Variants in PTPRJ observed in about 807,000 individuals in gnomAD.
PTPRJ encodes the protein receptor-type tyrosine-protein phosphatase eta.
PTPRJ carries 129 observed loss-of-function variants against 141.3 expected under a neutral mutation model. That is an observed-to-expected ratio of 0.91 (90% CI 0.79 to 1.06). The LOEUF (loss-of-function observed/expected upper bound fraction) is 1.06, where lower values mean the gene tolerates loss of function less well. Ranked by LOEUF, PTPRJ falls within the 50% of genes least tolerant of loss-of-function variation. The probability of loss-of-function intolerance (pLI) is 0.00; values close to 1 mark genes in which losing one functional copy is unlikely to be tolerated. For missense variants in PTPRJ, 1,601 were observed against 1,679.7 expected (o/e 0.95, Z 0.82); for synonymous variants, 610 against 640.5 (o/e 0.95, Z 0.72).
Position 48,154,482 on chromosome 11 carries a change from A to C in PTPRJ, c.3229+596A>C, listed in dbSNP as rs1386769677. On this transcript the variant is annotated intron_variant, in intron 19 of 24. Transcript: ENST00000418331. Reference sequence around the variant, plus strand: ...TAAAATAAGAATTATTTATTACATCAAACCATTAGATGAAATGTAAATAAT... The same window carrying C: ...TAAAATAAGAATTATTTATTACATCCAACCATTAGATGAAATGTAAATAAT... Among the ~76,000 whole-genome samples the C allele has an allele frequency of 2.0e-5, 3 of 152,244 alleles. No homozygotes were observed. In the East Asian group the frequency reaches 5.8e-4, roughly 29 times the overall value.
In PTPRJ at chr11:48,007,249, T is replaced by C. The variant is rs573817265; in HGVS notation, c.96+26241T>C. ...CCGAGTAGCTGGGACTACAGGTGCC[T>C]GCCACCACGCCCGGCTAATTTTTTG... On this transcript the variant is annotated intron_variant, in intron 1 of 24. Coordinates refer to ENST00000418331, the MANE Select transcript of PTPRJ (RefSeq NM_002843.4). 5.7e-4 allele frequency among the ~76,000 whole-genome samples: 86 copies of C among 150,624 alleles called. 1 individual carries two copies. Among genetic ancestry groups the C allele is most frequent in the Admixed American group, 3.2e-3 (48 of 15,184 alleles).
At chr11:48,058,773 A>T (rs770054890) in intron 1 of PTPRJ, among the ~76,000 whole-genome samples, 3 of 152,046 alleles carry the variant, frequency 2.0e-5, no homozygotes, top group Non-Finnish European at 4.4e-5. Flanking sequence ...AAGTCAGATC[A>T]TGTTGCTCCT....
At chr11:48,066,813 T>C (rs1490266761) in intron 1 of PTPRJ, among the ~76,000 whole-genome samples, 1 of 152,084 alleles carries the variant, frequency 6.6e-6, no homozygotes, top group African/African-American at 2.4e-5. Context: ...CTGGAACTCC[T>C]GACCTCAGGT....
chr11:48,150,314 T>A, intron 18 of PTPRJ, 131 bp downstream of exon 18: 1 of 690,986 alleles, frequency 1.4e-6, no homozygotes, highest in South Asian at 1.8e-5. Context: ...GGGACATGGC[T>A]TTATTCTCTC....
intron 1 of PTPRJ, among the ~76,000 whole-genome samples, chr11:47,999,763 T>C (rs995914005): frequency 2.0e-5 from 3 of 152,068 alleles, no homozygotes; most frequent in African/African-American, 7.3e-5. Flanking sequence ...TATGGGTATG[T>C]AGGGCTAGTG....
intron 1 of PTPRJ, among the ~76,000 whole-genome samples, chr11:48,049,283 G>A (rs920372237): frequency 6.6e-6 from 1 of 152,000 alleles, no homozygotes; most frequent in African/African-American, 2.4e-5. Flanking sequence ...TGTCCCCTGG[G>A]GGACAAAATC....
chr11:48,136,136 C>T lies in PTPRJ; in HGVS notation c.1713C>T (p.Tyr571=). ...KSPDGASEYV[Y]HLVIESKHGS... is the part of the protein sequence containing the mutation. ...CTGACGGTGCTTCCGAGTATGTCTA[C>T]CATTTAGTCATAGAGTCCAAGCATG... Residue 571 remains tyrosine (Y), a synonymous_variant, in exon 9 of 25, where the codon TAC becomes TAT. Transcript: ENST00000418331. 1 of 1,614,184 alleles carries T rather than the reference C, an allele frequency of 6.2e-7. No individual in the cohort carries two copies. The highest frequency in any genetic ancestry group is 8.5e-7 in the Non-Finnish European group (1 of 1,180,032).
intron 1 of PTPRJ, among the ~76,000 whole-genome samples, chr11:48,062,561 G>A (rs571160116): frequency 1.2e-4 from 19 of 152,132 alleles, no homozygotes; most frequent in African/African-American, 4.6e-4. Flanking sequence ...TGTTGTTATT[G>A]TTAAAGGATC....
intron 1 of PTPRJ, among the ~76,000 whole-genome samples, chr11:48,020,468 G>A (rs756279486): frequency 3.9e-5 from 6 of 152,128 alleles, no homozygotes; most frequent in African/African-American, 7.2e-5. Context: ...GTGTGGCCCC[G>A]TTTCCTTCTA....
Position 48,136,211 on chromosome 11 carries a change from G to C in PTPRJ, c.1788G>C (p.Leu596=). The C allele has an allele frequency of 6.2e-7, 1 of 1,614,224 alleles. No individual in the cohort carries two copies. Among genetic ancestry groups the C allele is most frequent in the Non-Finnish European group, 8.5e-7 (1 of 1,180,048 alleles). Residue 596 remains leucine, a synonymous_variant, in exon 9 of 25, where the codon CTG becomes CTC. Transcript: ENST00000418331. ...ACAAAGCGATTACTCTCCAGGGCCTGATTCCGGGCACCTTATATAACATCA... is the reference window on the plus strand; with the variant it reads ...ACAAAGCGATTACTCTCCAGGGCCTCATTCCGGGCACCTTATATAACATCA... The part of the protein sequence containing the change: ...TYDKAITLQG[L]IPGTLYNITI...
intron 1 of PTPRJ, among the ~76,000 whole-genome samples, chr11:48,106,968 C>A (rs772395360): frequency 7.2e-5 from 11 of 151,766 alleles, no homozygotes; most frequent in Non-Finnish European, 1.6e-4. Flanking sequence ...GGGGTTTCAC[C>A]ATGTTGGCCA....
chr11:48,114,786 T>C (rs987964696), intron 3 of PTPRJ, among the ~76,000 whole-genome samples: 1 of 152,160 alleles, frequency 6.6e-6, no homozygotes, highest in African/African-American at 2.4e-5. Context: ...TAAGGAAGCC[T>C]AGCAAACTTT....
At chr11:48,150,356 T>C (rs1282452799) in intron 18 of PTPRJ, among the ~76,000 whole-genome samples, 173 bp downstream of exon 18, 1 of 152,160 alleles carries the variant, frequency 6.6e-6, no homozygotes, top group Non-Finnish European at 1.5e-5. Flanking sequence ...GTTATATTAC[T>C]CACAGACAAT....
At chr11:48,076,364 T>C (rs142655778) in intron 1 of PTPRJ, among the ~76,000 whole-genome samples, 3,165 of 152,318 alleles carry the variant, frequency 0.021, 44 homozygotes, top group Non-Finnish European at 0.032. Flanking sequence ...ATTATAATCT[T>C]ATGGGAGATG....
At chr11:48,110,023 A>G (rs1394654089) in intron 1 of PTPRJ, 35 bp from the exon 2 acceptor site, 1 of 1,612,728 alleles carries the variant, frequency 6.2e-7, no homozygotes, top group African/African-American at 1.3e-5. Flanking sequence ...TGGCTGAATG[A>G]ATCTGCTGAC....
chr11:48,130,402 A>G (rs897688420), intron 7 of PTPRJ, 57 bp from the exon 8 acceptor site: 1 of 1,513,128 alleles, frequency 6.6e-7, no homozygotes. Context: ...GAGGTGGGGC[A>G]TCCCTGTCTC....
intron 11 of PTPRJ, among the ~76,000 whole-genome samples, chr11:48,141,939 T>TG (rs36140906): frequency 6.3e-5 from 2 of 31,782 alleles, no homozygotes; most frequent in Non-Finnish European, 1.3e-4. Flanking sequence ...CCCCAATGTG[T>TG]TTTTTTTTTT....
intron 1 of PTPRJ, among the ~76,000 whole-genome samples, chr11:48,004,551 C>T (rs570222973): frequency 6.6e-6 from 1 of 152,250 alleles, no homozygotes; most frequent in East Asian, 1.9e-4. Context: ...GTCAGAGTTT[C>T]AAGTCATAGG....
Position 48,112,951 on chromosome 11 carries a change from A to C in PTPRJ, c.320A>C (p.Asp107Ala). ...RTPEQGSNGT[D>A]GASQKTPSST... Reference sequence around the variant, plus strand: ...CCTGAACAAGGATCTAATGGGACTGATGGGGCATCTCAAAAAACTCCCAGT... The same window carrying C: ...CCTGAACAAGGATCTAATGGGACTGCTGGGGCATCTCAAAAAACTCCCAGT... The change falls in exon 3 of 25, where the codon GAT becomes GCT. Residue 107 changes from aspartate (D) to alanine (A), a missense_variant. Transcript: ENST00000418331. 4 of 1,614,118 alleles carry C rather than the reference A, an allele frequency of 2.5e-6. No individual in the cohort carries two copies. The highest frequency in any genetic ancestry group is 3.4e-6 in the Non-Finnish European group (4 of 1,179,936).
Sources: allele counts gnomAD v4.1 joint callset (sites outside exome capture counted in the v4.1 genomes callset), GRCh38; gene constraint gnomAD v4.1.1; transcripts MANE v1.5; gene names NCBI Gene and HGNC (gene_info 2026-07-23, HGNC 2026-07-21).